Variants in YWHAE observed in about 807,000 individuals in gnomAD.
YWHAE encodes 14-3-3 protein epsilon.
A neutral mutation model predicts 30.1 loss-of-function variants in YWHAE; 4 were observed. The ratio of observed to expected loss-of-function variants is 0.13; its 90% confidence interval spans 0.07 to 0.30. YWHAE has a LOEUF of 0.30. Among genes scored for constraint, YWHAE ranks in the 10% least tolerant of loss-of-function variants. YWHAE has a pLI of 1.00. For missense variants in YWHAE, 121 were observed against 315.9 expected, an observed-to-expected ratio of 0.38 and a Z score of 4.68; for synonymous variants, 118 against 111.8, an observed-to-expected ratio of 1.06 and a Z score of -0.35.
In YWHAE at chr17:1,400,187, C is replaced by A. The variant is rs1354829524; in HGVS notation, c.-77G>T. 5 of 1,566,772 alleles carry A rather than the reference C, an allele frequency of 3.2e-6. No homozygotes were observed. The highest frequency in any genetic ancestry group is 2.2e-5 in the East Asian group (1 of 44,500). On this transcript the variant is annotated 5_prime_UTR_variant, in exon 1 of 6. Transcript: ENST00000264335. The stretch of plus-strand genomic sequence containing the variant: ...CTCCGACTCTCTCAGCCTCTCGCTC[C>A]GCGTCCGGGCAGCAAAAATGGCGGC...
intron 1 of YWHAE, among the ~76,000 whole-genome samples, chr17:1,397,127 G>C (rs113883459): frequency 6.6e-6 from 1 of 151,976 alleles, no homozygotes; most frequent in Non-Finnish European, 1.5e-5. Context: ...TTGAACTCCC[G>C]ACCTCAGGTG....
At chr17:1,397,759 G>T (rs1208315997) in intron 1 of YWHAE, among the ~76,000 whole-genome samples, 1 of 152,076 alleles carries the variant, frequency 6.6e-6, no homozygotes, top group Non-Finnish European at 1.5e-5. Flanking sequence ...CACAGGTAGA[G>T]GACACAGGTA....
chr17:1,369,796 G>A (rs1190031191), intron 1 of YWHAE: 1 of 152,170 alleles, frequency 6.6e-6, no homozygotes, highest in Non-Finnish European at 1.5e-5. Context: ...GTGTTTCCCA[G>A]TGCATAGAAA....
intron 1 of YWHAE, among the ~76,000 whole-genome samples, chr17:1,390,966 A>G (rs539264280): frequency 1.1e-3 from 162 of 152,378 alleles, no homozygotes; most frequent in Admixed American, 2.0e-3. Flanking sequence ...GTGAGCCTTT[A>G]AATTTTTATG....
chr17:1,392,753 G>A (rs777494995), intron 1 of YWHAE, among the ~76,000 whole-genome samples: 17 of 152,158 alleles, frequency 1.1e-4, no homozygotes, highest in South Asian at 4.1e-4. Context: ...GGGAGGCTGA[G>A]GCAGGAGAAT....
intron 4 of YWHAE, among the ~76,000 whole-genome samples, chr17:1,355,140 AAAAAAAAATTT>A (rs2072716293): frequency 6.1e-4 from 65 of 106,506 alleles, no homozygotes; most frequent in African/African-American, 2.0e-3. Context: ...AAAAAAAAAA[AAAAAAAAATTT>A]TTTTTTTTTT....
chr17:1,345,569 G>T, intron 5 of YWHAE, 70 bp from the exon 6 acceptor site: 1 of 1,514,860 alleles, frequency 6.6e-7, no homozygotes, highest in Non-Finnish European at 9.1e-7. Flanking sequence ...ACAAACAAAG[G>T]TGTCATTCCA....
intron 5 of YWHAE, among the ~76,000 whole-genome samples, chr17:1,349,413 T>C (rs1426769047): frequency 6.6e-6 from 1 of 152,218 alleles, no homozygotes; most frequent in East Asian, 1.9e-4. Context: ...CAATTATTTG[T>C]GTATTCAGAG....
At chr17:1,389,072 C>T (rs1277750128) in intron 1 of YWHAE, among the ~76,000 whole-genome samples, 1 of 152,018 alleles carries the variant, frequency 6.6e-6, no homozygotes, top group Non-Finnish European at 1.5e-5. Flanking sequence ...CTCAAGAAAT[C>T]TTACCACCTT....
rs372484695 is a variant in YWHAE at position 1,345,531 on chromosome 17, G to T, written c.716-32C>A. Reference sequence around the variant, plus strand: ...AAAAAGAAAAAAAGTCAATTATTTCGTATTGACTACATTAGGCTATGGCAG... The same window carrying T: ...AAAAAGAAAAAAAGTCAATTATTTCTTATTGACTACATTAGGCTATGGCAG... On this transcript the variant is annotated intron_variant, in intron 5 of 5. Coordinates refer to ENST00000264335, the MANE Select transcript of YWHAE (RefSeq NM_006761.5). 6 of 1,605,254 alleles carry T rather than the reference G, an allele frequency of 3.7e-6. No homozygotes were observed. The African/African-American group carries it at 6.7e-5, about 18-fold the overall frequency.
chr17:1,388,574 C>CTTT (rs61089437), intron 1 of YWHAE, among the ~76,000 whole-genome samples: 1 of 135,640 alleles, frequency 7.4e-6, no homozygotes, highest in Admixed American at 7.5e-5. Flanking sequence ...CATGCCCAGC[C>CTTT]TTTTTTTTTT....
intron 5 of YWHAE, among the ~76,000 whole-genome samples, chr17:1,348,457 AG>A (rs2072562669): frequency 6.6e-6 from 1 of 152,270 alleles, no homozygotes; most frequent in South Asian, 2.1e-4. Flanking sequence ...TAAAATTAAA[AG>A]ACATAAATAC....
intron 4 of YWHAE, among the ~76,000 whole-genome samples, chr17:1,359,270 T>C (rs2072814031): frequency 1.3e-5 from 2 of 152,142 alleles, no homozygotes; most frequent in Non-Finnish European, 2.9e-5. Context: ...CAGTGAGCTA[T>C]GAGTGCACAA....
intron 1 of YWHAE, among the ~76,000 whole-genome samples, chr17:1,398,646 A>T (rs1386152466): frequency 2.0e-5 from 3 of 152,242 alleles, no homozygotes; most frequent in African/African-American, 7.2e-5. Context: ...AAGCATTAAA[A>T]CCACAGGACC....
rs370496328 is a variant in YWHAE, at chr17:1,380,961, T to C, written c.65-15903A>G. 9.2e-5 allele frequency among the ~76,000 whole-genome samples: 14 copies of C among 152,324 alleles called. No homozygotes were observed. In the East Asian group the frequency reaches 1.7e-3, roughly 19 times the overall value. On this transcript the variant is annotated intron_variant, in intron 1 of 5. Coordinates refer to ENST00000264335, the MANE Select transcript of YWHAE (RefSeq NM_006761.5). ...GTATTATACAAGCTAGAAATCATCA[T>C]TCTGGTTTCTAGCCACAGCTTGCCT... is the stretch of plus-strand genomic sequence containing the variant.
At chr17:1,361,604 G>T in intron 3 of YWHAE, 1 of 421,454 alleles carries the variant, frequency 2.4e-6, no homozygotes, top group East Asian at 3.9e-5. Context: ...CCAAGGAATG[G>T]CATGACAGTT....
intron 1 of YWHAE, among the ~76,000 whole-genome samples, chr17:1,376,368 G>C (rs968767987): frequency 4.0e-5 from 6 of 149,996 alleles, no homozygotes; most frequent in Non-Finnish European, 4.4e-5. Flanking sequence ...AAGACAGACA[G>C]ACAGACAGAA....
At chr17:1,347,215 T>TTA (rs1327146345) in intron 5 of YWHAE, among the ~76,000 whole-genome samples, 2 of 150,074 alleles carry the variant, frequency 1.3e-5, no homozygotes, top group Non-Finnish European at 1.5e-5. Context: ...GGCAGGCGCC[T>TTA]GTAGTCCCAG....
chr17:1,396,257 T>C (rs2073469855), intron 1 of YWHAE, among the ~76,000 whole-genome samples: 1 of 151,366 alleles, frequency 6.6e-6, no homozygotes, highest in Non-Finnish European at 1.5e-5. Flanking sequence ...GTGTCTCTAC[T>C]AAAAAAGAAA....
Sources: gnomAD v4.1 joint callset for allele counts (sites outside exome capture counted in the v4.1 genomes callset) on GRCh38, gnomAD v4.1.1 for gene constraint, MANE v1.5 for transcripts, NCBI Gene and HGNC (gene_info 2026-07-23, HGNC 2026-07-21) for gene names.